The following RORC variants were observed in gnomAD, a reference collection of about 807,000 sequenced individuals.
RORC encodes the protein RAR related orphan receptor C, also known as nuclear receptor ROR-gamma.
RORC carries 13 observed loss-of-function variants against 64.5 expected under a neutral mutation model. The ratio of observed to expected loss-of-function variants is 0.20; its 90% CI spans 0.13 to 0.32. The LOEUF (loss-of-function observed/expected upper bound fraction) is 0.32, where lower values mean the gene tolerates loss of function less well. RORC is among the 10% of genes least tolerant of loss of function. RORC has a pLI of 1.00. For synonymous variants in RORC, 277 were observed against 259.3 expected (o/e 1.07, Z -0.65); for missense variants, 468 against 669.5 (o/e 0.70, Z 3.32).
intron 4 of RORC, among the ~76,000 whole-genome samples, chr1:151,816,369 G>A (rs1029622662): frequency 6.6e-6 from 1 of 152,266 alleles, no homozygotes; most frequent in African/African-American, 2.4e-5. Flanking sequence ...AGCTGGGCCA[G>A]AGGGCAGCAG....
chr1:151,809,280 G>T (rs1423330848), intron 10 of RORC, among the ~76,000 whole-genome samples: 1 of 152,114 alleles, frequency 6.6e-6, no homozygotes, highest in Non-Finnish European at 1.5e-5. Flanking sequence ...TGTAATCCAA[G>T]CTACTCAGGA....
chr1:151,828,808 G>A (rs554163321), intron 2 of RORC, among the ~76,000 whole-genome samples: 71 of 152,164 alleles, frequency 4.7e-4, no homozygotes, highest in African/African-American at 1.7e-3. Context: ...GTGAAACCCC[G>A]TCTCTACTAA....
Position 151,830,621 on chromosome 1 carries a change from TACACAC to T in RORC, c.40+1098_40+1103del, listed in dbSNP as rs1553293049. Among the ~76,000 whole-genome samples the T allele has an allele frequency of 0.023, 1,317 of 57,186 alleles. 33 individuals are homozygous for T. Among genetic ancestry groups the T allele is most frequent in the African/African-American group, 0.052 (1,224 of 23,628 alleles). The allele number at this position is 57,186 out of a possible 152,430, so 37.5% of individuals were successfully genotyped here. A position where few individuals can be genotyped will look rare whatever the true frequency, so the allele number is the denominator to read the frequency against. ...TGCTGTTCAGTCTTGACACCTGACA[TACACAC>T]ACACACACACACACACACACACACA... On this transcript the variant is annotated intron_variant, in intron 1 of 10. Coordinates refer to ENST00000318247, the MANE Select transcript of RORC (RefSeq NM_005060.4). The surrounding 1 kb of genome is among the most constrained non-coding windows in gnomAD (Gnocchi z 4.0).
chr1:151,818,914 A>G (rs1331932642), intron 2 of RORC, among the ~76,000 whole-genome samples: 1 of 152,022 alleles, frequency 6.6e-6, no homozygotes, highest in Non-Finnish European at 1.5e-5. Flanking sequence ...TCATTCTTAA[A>G]CCATCATCCC....
At chr1:151,817,849 C>A (rs1651829494) in intron 2 of RORC, among the ~76,000 whole-genome samples, 1 of 152,190 alleles carries the variant, frequency 6.6e-6, no homozygotes, top group African/African-American at 2.4e-5. Flanking sequence ...CAGGGAGGAA[C>A]CCAGGAAACG....
rs1385344458 is a variant in RORC, at chr1:151,830,857, T to TGGC, written c.40+865_40+867dup. ...GCCCCACCCAGCTTCCTCCCTGACG[T>TGGC]GGCACCGGCTCCTGGCCTCTAGCCT... On this transcript the variant is annotated intron_variant, in intron 1 of 10. Coordinates refer to ENST00000318247, the MANE Select transcript of RORC (RefSeq NM_005060.4). The surrounding 1 kb of genome is among the most constrained non-coding windows in gnomAD (Gnocchi z 4.0). 2.0e-6 allele frequency: 2 copies of TGGC among 1,019,116 alleles called. No individual in the cohort carries two copies. The highest frequency in any genetic ancestry group is 3.3e-5 in the African/African-American group (2 of 60,086). The allele number at this position is 1,019,116 out of a possible 1,614,324, so 63.1% of individuals were successfully genotyped here.
chr1:151,813,217 C>T, intron 8 of RORC, 22 bp downstream of exon 8: 1 of 1,604,150 alleles, frequency 6.2e-7, no homozygotes, highest in Non-Finnish European at 8.5e-7. Context: ...AATCTTCCCT[C>T]TCATTTCTCC....
At chr1:151,820,103 C>T (rs1651928537) in intron 2 of RORC, among the ~76,000 whole-genome samples, 1 of 152,148 alleles carries the variant, frequency 6.6e-6, no homozygotes, top group Non-Finnish European at 1.5e-5. Flanking sequence ...CCATGGCCCC[C>T]TCAGCACTTC....
rs112739651 is a variant in RORC, at chr1:151,822,853, T to C, written c.71-5573A>G. Reference sequence around the variant, plus strand: ...TGCACTGCAGCAGCAGGCGTGGAGGTGAGACTTCAGAAAGGACTAGCTATA... The same window carrying C: ...TGCACTGCAGCAGCAGGCGTGGAGGCGAGACTTCAGAAAGGACTAGCTATA... On this transcript the variant is annotated intron_variant, in intron 2 of 10. Coordinates refer to ENST00000318247, the MANE Select transcript of RORC (RefSeq NM_005060.4). Among the ~76,000 whole-genome samples, 119 of 152,202 alleles carry C rather than the reference T, an allele frequency of 7.8e-4. 1 individual carries two copies. The highest frequency in any genetic ancestry group is 6.8e-3 in the Middle Eastern group (2 of 294).
At chr1:151,817,380 C>G in intron 2 of RORC, 100 bp from the exon 3 acceptor site, 1 of 768,416 alleles carries the variant, frequency 1.3e-6, no homozygotes. Flanking sequence ...GCTTCCACTA[C>G]TTCTCCAACC....
chr1:151,829,551 C>T, intron 1 of RORC, 93 bp from the exon 2 acceptor site: 2 of 1,200,736 alleles, frequency 1.7e-6, no homozygotes, highest in Non-Finnish European at 1.1e-6. Context: ...CTGCCGCACT[C>T]CTTCCCTCAG....
chr1:151,818,913 A>T (rs1324942511), intron 2 of RORC, among the ~76,000 whole-genome samples: 1 of 152,080 alleles, frequency 6.6e-6, no homozygotes, highest in Non-Finnish European at 1.5e-5. Context: ...ATCATTCTTA[A>T]ACCATCATCC....
Position 151,806,789 on chromosome 1 carries a change from T to A in RORC, c.*683A>T, listed in dbSNP as rs879263393. The A allele has an allele frequency of 6.6e-6, 1 of 152,234 alleles. No homozygotes were observed. Among genetic ancestry groups the A allele is most frequent in the Non-Finnish European group, 1.5e-5 (1 of 68,072 alleles). 9.4% of individuals were successfully genotyped at this position (152,234 alleles called of 1,614,324 possible). ...GAGGTTTGAGTTTTAACTCTATGTC[T>A]GAGATGCTCTTGGCCTTCATTGTAC... On this transcript the variant is annotated 3_prime_UTR_variant, in exon 11 of 11. Transcript: ENST00000318247.
chr1:151,814,507 T>C lies in RORC; in HGVS notation c.933+67A>G, dbSNP rs562824160. On this transcript the variant is annotated intron_variant, in intron 6 of 10. Transcript: ENST00000318247. ...GCCCCAGGACCCAGTCGTGCGCAGG[T>C]AGCCATCTCTGAACTCTCCCGGTGG... 1.2e-5 allele frequency: 19 copies of C among 1,536,516 alleles called. No individual in the cohort carries two copies. In the South Asian group the frequency reaches 2.0e-4, roughly 16 times the overall value.
intron 2 of RORC, among the ~76,000 whole-genome samples, chr1:151,818,037 C>CT (rs1651838136): frequency 6.6e-6 from 1 of 152,206 alleles, no homozygotes; most frequent in African/African-American, 2.4e-5. Context: ...GAACATGAAT[C>CT]ATCAATGTTA....
chr1:151,830,756 G>T lies in RORC; in HGVS notation c.40+969C>A, dbSNP rs986084797. Among the ~76,000 whole-genome samples, 7 of 152,130 alleles carry T rather than the reference G, an allele frequency of 4.6e-5. No individual in the cohort carries two copies. The East Asian group carries it at 1.3e-3, about 29-fold the overall frequency. On this transcript the variant is annotated intron_variant, in intron 1 of 10. Coordinates refer to ENST00000318247, the MANE Select transcript of RORC (RefSeq NM_005060.4). The surrounding 1 kb of genome is among the most constrained non-coding windows in gnomAD (Gnocchi z 4.0). ...GCCTGATGGCCTGGGCTCTGCTGGG[G>T]TGAGGGAGGAGAAAAGACTGCCCCG...
chr1:151,813,386 C>A, intron 7 of RORC, 40 bp from the exon 8 acceptor site: 12 of 1,609,324 alleles, frequency 7.5e-6, no homozygotes, highest in Non-Finnish European at 1.0e-5. Context: ...CAGTGTCAAG[C>A]AAAGCCAGGA....
chr1:151,813,158 G>T, intron 8 of RORC, 81 bp downstream of exon 8: 2 of 1,494,252 alleles, frequency 1.3e-6, no homozygotes, highest in South Asian at 1.1e-5. Context: ...AATTCGCCCT[G>T]AAAAGAGGGT....
At chr1:151,812,679 T>C (rs1470174389) in intron 9 of RORC, 1 of 350,688 alleles carries the variant, frequency 2.9e-6, no homozygotes, top group Non-Finnish European at 5.3e-6. Flanking sequence ...ATCAGACACA[T>C]TTCTGTCAGG....
Sources: gnomAD v4.1 joint callset for allele counts (sites outside exome capture counted in the v4.1 genomes callset) on GRCh38, gnomAD v4.1.1 for gene constraint, Gnocchi (gnomAD v3.1) non-coding constraint, MANE v1.5 for transcripts, NCBI Gene and HGNC (gene_info 2026-07-23, HGNC 2026-07-21) for gene names.